SLC41A2: variants seen among roughly 807,000 people sequenced by gnomAD.
SLC41A2 encodes SLC41A1-like 1.
A neutral mutation model predicts 58.3 loss-of-function variants in SLC41A2; 32 were observed. The ratio of observed to expected loss-of-function variants is 0.55; its 90% CI spans 0.41 to 0.74. The LOEUF is 0.74. Among genes scored for constraint, SLC41A2 ranks in the 30% least tolerant of loss-of-function variants. The pLI is 0.00. For missense variants in SLC41A2, 514 were observed against 680.6 expected (o/e 0.76, Z 2.72); for synonymous variants, 190 against 235.0 (o/e 0.81, Z 1.75).
chr12:104,871,188 C>G (rs1440010363), intron 6 of SLC41A2, among the ~76,000 whole-genome samples: 6 of 152,146 alleles, frequency 3.9e-5, no homozygotes, highest in Non-Finnish European at 8.8e-5. Context: ...CCTCTCAGAT[C>G]TCGCCTACAA....
At chr12:104,838,415 T>A (rs2042286441) in intron 10 of SLC41A2, among the ~76,000 whole-genome samples, 1 of 152,230 alleles carries the variant, frequency 6.6e-6, no homozygotes, top group African/African-American at 2.4e-5. Context: ...GAGAACAAGT[T>A]TTTTTCTTGA....
At chr12:104,908,124 G>T (rs1243794894) in intron 3 of SLC41A2, among the ~76,000 whole-genome samples, 2 of 152,106 alleles carry the variant, frequency 1.3e-5, no homozygotes, top group Non-Finnish European at 2.9e-5. Context: ...AATTAACTGG[G>T]CATGGTGGTG....
chr12:104,815,656 A>G (rs1253614786), intron 10 of SLC41A2, among the ~76,000 whole-genome samples: 1 of 152,170 alleles, frequency 6.6e-6, no homozygotes, highest in South Asian at 2.1e-4. Flanking sequence ...CCCGAGAAGT[A>G]GCAAATTAAT....
intron 2 of SLC41A2, among the ~76,000 whole-genome samples, chr12:104,916,555 G>A (rs1192100359): frequency 5.9e-5 from 9 of 151,856 alleles, no homozygotes; most frequent in Non-Finnish European, 1.3e-4. Flanking sequence ...GAGGCATCAC[G>A]CTACCTGACT....
At position 104,893,330 on chromosome 12, in the gene SLC41A2, C is replaced by T. The variant is rs185303833; in HGVS notation, c.735+1944G>A. 1.8e-3 allele frequency among the ~76,000 whole-genome samples: 278 copies of T among 152,222 alleles called. 1 individual carries two copies. The highest frequency in any genetic ancestry group is 6.2e-3 in the African/African-American group (259 of 41,530). On this transcript the variant is annotated intron_variant, in intron 4 of 10. Coordinates refer to ENST00000258538, the MANE Select transcript of SLC41A2 (RefSeq NM_001352171.3). The stretch of plus-strand genomic sequence containing the variant: ...TATCATCTCACCCCAGTTAAAATGG[C>T]TTTTATCCAAAGGACAGGCAATAAC...
At chr12:104,875,462 G>A (rs1169432165) in intron 6 of SLC41A2, among the ~76,000 whole-genome samples, 1 of 152,074 alleles carries the variant, frequency 6.6e-6, no homozygotes, top group African/African-American at 2.4e-5. Flanking sequence ...TGGTGTCTTT[G>A]TCTGGAAAAT....
chr12:104,884,160 A>T (rs1291721902), intron 6 of SLC41A2, among the ~76,000 whole-genome samples: 2 of 152,240 alleles, frequency 1.3e-5, no homozygotes, highest in Non-Finnish European at 2.9e-5. Context: ...AGTGTGGGAT[A>T]TAATCTCCTG....
intron 9 of SLC41A2, among the ~76,000 whole-genome samples, chr12:104,845,293 C>A (rs1049206293): frequency 2.0e-5 from 3 of 151,956 alleles, no homozygotes; most frequent in Non-Finnish European, 2.9e-5. Context: ...CCTGTCTCAA[C>A]AACAACAAAA....
At chr12:104,889,609 T>C (rs1432366351) in intron 4 of SLC41A2, among the ~76,000 whole-genome samples, 1 of 152,196 alleles carries the variant, frequency 6.6e-6, no homozygotes, top group Non-Finnish European at 1.5e-5. Context: ...TAGCAAATTA[T>C]TTAAACTCAT....
chr12:104,899,821 A>C (rs1178832734), intron 3 of SLC41A2, among the ~76,000 whole-genome samples: 1 of 152,144 alleles, frequency 6.6e-6, no homozygotes, highest in Non-Finnish European at 1.5e-5. Context: ...AAACACAGAA[A>C]TCTTAACCAG....
intron 8 of SLC41A2, among the ~76,000 whole-genome samples, chr12:104,847,142 T>A (rs2042625302): frequency 1.3e-5 from 2 of 151,068 alleles, no homozygotes; most frequent in Admixed American, 1.3e-4. Context: ...TACAAATATA[T>A]TAAAAGACAG....
At chr12:104,871,181 C>T (rs2135547699) in intron 6 of SLC41A2, among the ~76,000 whole-genome samples, 1 of 152,270 alleles carries the variant, frequency 6.6e-6, no homozygotes, top group Non-Finnish European at 1.5e-5. Context: ...CATTTTGCCT[C>T]TCAGATCTCG....
At chr12:104,882,572 T>A (rs1481363555) in intron 6 of SLC41A2, among the ~76,000 whole-genome samples, 1 of 152,186 alleles carries the variant, frequency 6.6e-6, no homozygotes, top group Non-Finnish European at 1.5e-5. Flanking sequence ...TCTCCTTCAC[T>A]TATGAAGCTT....
chr12:104,877,527 T>C (rs1313997210), intron 6 of SLC41A2, among the ~76,000 whole-genome samples: 1 of 152,214 alleles, frequency 6.6e-6, no homozygotes, highest in African/African-American at 2.4e-5. Flanking sequence ...TTAATAATAT[T>C]ATTTTTCAAA....
In SLC41A2 at chr12:104,815,324, A is replaced by G. The variant is rs556251471; in HGVS notation, c.1537-9987T>C. Among the ~76,000 whole-genome samples the G allele has an allele frequency of 7.4e-4, 112 of 152,318 alleles. 1 individual carries two copies. The highest frequency in any genetic ancestry group is 6.8e-3 in the Middle Eastern group (2 of 294). On this transcript the variant is annotated intron_variant, in intron 10 of 10. Transcript: ENST00000258538. ...CACCAAGGGTAGACTGTGTTTTTAT[A>G]TCATCTGTTTGTTCTTTATGAAATA...
At chr12:104,884,122 C>A (rs1466007580) in intron 6 of SLC41A2, among the ~76,000 whole-genome samples, 1 of 152,250 alleles carries the variant, frequency 6.6e-6, no homozygotes, top group Non-Finnish European at 1.5e-5. Context: ...GTGAGCAAGG[C>A]TCCATGGGTG....
chr12:104,831,700 C>A (rs2042041313), intron 10 of SLC41A2, among the ~76,000 whole-genome samples: 1 of 152,056 alleles, frequency 6.6e-6, no homozygotes, highest in Admixed American at 6.6e-5. Context: ...GATAGAGAAC[C>A]TTGTCAGGTG....
At position 104,803,859 on chromosome 12, in the gene SLC41A2, C is replaced by CGTAA. The variant is rs906086010; in HGVS notation, c.*1289_*1292dup. On this transcript the variant is annotated 3_prime_UTR_variant, in exon 11 of 11. Transcript: ENST00000258538. ...AACCCACCAACTTCTTTTTTAAAAG[C>CGTAA]GTAAGTCAACGGGCTTCTTTAAAAG... The CGTAA allele has an allele frequency of 3.3e-5, 5 of 152,056 alleles. No individual in the cohort carries two copies. The highest frequency in any genetic ancestry group is 4.2e-4 in the South Asian group (2 of 4,812). The allele number at this position is 152,056 out of a possible 1,614,324, so 9.4% of individuals were successfully genotyped here. A position where few individuals can be genotyped will look rare whatever the true frequency, so the allele number is the denominator to read the frequency against.
At chr12:104,897,288 G>A (rs554629324) in intron 3 of SLC41A2, among the ~76,000 whole-genome samples, 23 of 151,656 alleles carry the variant, frequency 1.5e-4, no homozygotes, top group African/African-American at 4.1e-4. Context: ...TGTGATTACA[G>A]GTGCCCACCA....
Sources: allele counts gnomAD v4.1 joint callset (sites outside exome capture counted in the v4.1 genomes callset), GRCh38; gene constraint gnomAD v4.1.1; transcripts MANE v1.5; gene names NCBI Gene and HGNC (gene_info 2026-07-23, HGNC 2026-07-21).